KLF12: variants seen among roughly 807,000 people sequenced by gnomAD.
KLF12 encodes KLF transcription factor 12, also known as Krueppel-like factor 12.
KLF12 carries 9 observed loss-of-function variants against 37.8 expected under a neutral mutation model. That is an observed-to-expected ratio of 0.24 (90% confidence interval 0.14 to 0.42). The LOEUF is 0.42. KLF12 is among the 10% of genes least tolerant of loss of function. KLF12 has a pLI of 1.00. For missense variants in KLF12, 411 were observed against 516.0 expected (o/e 0.80, Z 1.97); for synonymous variants, 208 against 202.1 (o/e 1.03, Z -0.25).
chr13:73,909,850 G>C (rs567627017), intron 3 of KLF12, among the ~76,000 whole-genome samples: 1 of 151,730 alleles, frequency 6.6e-6, no homozygotes, highest in African/African-American at 2.4e-5. Context: ...TAAATTCTTT[G>C]GTTTTTCTTG....
intron 1 of KLF12, among the ~76,000 whole-genome samples, chr13:74,024,824 C>T (rs1016436713): frequency 6.6e-6 from 1 of 152,170 alleles, no homozygotes; most frequent in Non-Finnish European, 1.5e-5. Flanking sequence ...AGTAATCTAA[C>T]AGATTTTCAC....
rs142504349 is a variant in KLF12, at chr13:74,112,039, A to G, written c.-32+21700T>C. ...GCAAAAATACATGACTCTTCTGCAAAAAGAAAAAAGGAACACCCAACTTAT... is the reference window on the plus strand; with the variant it reads ...GCAAAAATACATGACTCTTCTGCAAGAAGAAAAAAGGAACACCCAACTTAT... On this transcript the variant is annotated intron_variant, in intron 1 of 7. Coordinates refer to ENST00000377669, the MANE Select transcript of KLF12 (RefSeq NM_007249.5). Among the ~76,000 whole-genome samples, 10 of 152,344 alleles carry G rather than the reference A, an allele frequency of 6.6e-5. No homozygotes were observed. The East Asian group carries it at 1.7e-3, about 26-fold the overall frequency.
In KLF12 at chr13:73,992,588, A is replaced by G. The variant is rs182534686; in HGVS notation, c.33+2402T>C. 2.4e-4 allele frequency among the ~76,000 whole-genome samples: 36 copies of G among 152,302 alleles called. No homozygotes were observed. In the East Asian group the frequency reaches 5.2e-3, roughly 22 times the overall value. ...TAGGCTATTTAAATTTTAGAACCTA[A>G]GCAGAAAGGCACAGCATGATATTCT... On this transcript the variant is annotated intron_variant, in intron 2 of 7. Transcript: ENST00000377669.
chr13:74,216,760 T>C, the KLF12 span, among the ~76,000 whole-genome samples: 2 of 144,194 alleles, frequency 1.4e-5, no homozygotes, highest in Non-Finnish European at 1.5e-5. Context: ...CTGGAATCTA[T>C]GTTCACCCTA....
intron 7 of KLF12, among the ~76,000 whole-genome samples, chr13:73,713,422 C>T (rs1354963240): frequency 1.3e-5 from 2 of 152,222 alleles, no homozygotes; most frequent in African/African-American, 4.8e-5. Context: ...ATAACAGCTA[C>T]AACCATCTGG....
At chr13:74,056,102 C>G (rs1873228528) in intron 1 of KLF12, among the ~76,000 whole-genome samples, 1 of 152,118 alleles carries the variant, frequency 6.6e-6, no homozygotes, top group Admixed American at 6.6e-5. Flanking sequence ...AGTCCAGCAG[C>G]TCCCAACCAC....
chr13:74,074,145 C>A lies in KLF12; in HGVS notation c.-32+59594G>T, dbSNP rs376656972. 2.6e-5 allele frequency among the ~76,000 whole-genome samples: 4 copies of A among 151,284 alleles called. No homozygotes were observed. The East Asian group carries it at 7.7e-4, about 29-fold the overall frequency. ...TCCCTTCTGCTACTGTTTTCTCATT[C>A]GAGAGAGAGAGAGAGTGTGTGTGTG... On this transcript the variant is annotated intron_variant, in intron 1 of 7. Transcript: ENST00000377669.
chr13:73,967,340 C>A (rs959947462), intron 2 of KLF12, among the ~76,000 whole-genome samples: 13 of 152,200 alleles, frequency 8.5e-5, no homozygotes, highest in African/African-American at 2.9e-4. Flanking sequence ...GGCTGGAATA[C>A]ACGGTCACTA....
intron 1 of KLF12, among the ~76,000 whole-genome samples, chr13:74,018,098 T>A (rs191266133): frequency 4.0e-5 from 6 of 151,130 alleles, no homozygotes; most frequent in African/African-American, 1.2e-4. Context: ...TTTTTTTTTT[T>A]ACTTAAAAAA....
At chr13:74,275,867 T>TTTCTTTCTTTC in the KLF12 span, among the ~76,000 whole-genome samples, 1 of 79,306 alleles carries the variant, frequency 1.3e-5, no homozygotes, top group African/African-American at 4.7e-5. Context: ...TCTTTCTTTC[T>TTTCTTTCTTTC]ATCTTTCTTT....
the KLF12 span, among the ~76,000 whole-genome samples, chr13:74,175,056 G>A: frequency 2.0e-5 from 3 of 152,080 alleles, no homozygotes; most frequent in Non-Finnish European, 2.9e-5. Context: ...ATGGAGCCCC[G>A]GGTGCTGCTA....
At chr13:73,933,230 CT>C (rs1889765946) in intron 3 of KLF12, among the ~76,000 whole-genome samples, 1 of 152,108 alleles carries the variant, frequency 6.6e-6, no homozygotes, top group Admixed American at 6.6e-5. Context: ...CTGAGGCCTA[CT>C]TTGATATGAA....
chr13:73,828,597 C>T (rs1421221083), intron 4 of KLF12, among the ~76,000 whole-genome samples: 6 of 152,156 alleles, frequency 3.9e-5, no homozygotes, highest in African/African-American at 7.2e-5. Flanking sequence ...GGAATTCTCA[C>T]GTGGCTTCCT....
chr13:74,166,322 G>A, the KLF12 span, among the ~76,000 whole-genome samples: 2 of 151,984 alleles, frequency 1.3e-5, no homozygotes, highest in African/African-American at 2.4e-5. Flanking sequence ...AAACTCCTGG[G>A]CTCAAGGTGA....
intron 2 of KLF12, among the ~76,000 whole-genome samples, chr13:73,946,312 C>CTAAAG (rs1317245873): frequency 6.6e-6 from 1 of 152,140 alleles, no homozygotes; most frequent in African/African-American, 2.4e-5. Context: ...GGCTAATGTC[C>CTAAAG]CTTTTAGTGC....
At chr13:73,831,214 T>C (rs1884139149) in intron 4 of KLF12, among the ~76,000 whole-genome samples, 1 of 152,108 alleles carries the variant, frequency 6.6e-6, no homozygotes, top group Non-Finnish European at 1.5e-5. Flanking sequence ...TACAGCAAAA[T>C]GGCTATGGAG....
intron 2 of KLF12, among the ~76,000 whole-genome samples, chr13:73,990,553 C>T (rs936467379): frequency 6.6e-6 from 1 of 151,916 alleles, no homozygotes; most frequent in Non-Finnish European, 1.5e-5. Flanking sequence ...ATGTGAATAA[C>T]CTTAATTTTA....
At chr13:74,173,888 G>A in the KLF12 span, among the ~76,000 whole-genome samples, 51 of 152,324 alleles carry the variant, frequency 3.3e-4, no homozygotes, top group Middle Eastern at 3.4e-3. Flanking sequence ...TTGCCTTACT[G>A]TCTGAGAGAT....
chr13:74,111,992 T>A (rs1268288395), intron 1 of KLF12, among the ~76,000 whole-genome samples: 1 of 152,176 alleles, frequency 6.6e-6, no homozygotes, highest in Non-Finnish European at 1.5e-5. Context: ...AAGTTATTCA[T>A]ATTTAATATC....
Sources: allele counts gnomAD v4.1 joint callset (sites outside exome capture counted in the v4.1 genomes callset), GRCh38; gene constraint gnomAD v4.1.1; transcripts MANE v1.5; gene names NCBI Gene and HGNC (gene_info 2026-07-23, HGNC 2026-07-21).